ECPAS: variants seen among roughly 807,000 people sequenced by gnomAD.
ECPAS encodes the protein Ecm29 proteasome adaptor and scaffold.
In ECPAS, 70 loss-of-function variants were observed where a neutral mutation model predicts 255.1. The ratio of observed to expected loss-of-function variants is 0.27; its 90% CI spans 0.23 to 0.33. The LOEUF (loss-of-function observed/expected upper bound fraction) is 0.33, where lower values mean the gene tolerates loss of function less well. ECPAS is among the 10% of genes least tolerant of loss of function. The pLI, the probability that ECPAS is intolerant of heterozygous loss-of-function variation, is 1.00. For missense variants in ECPAS, 1,817 were observed against 2,206.4 expected, an observed-to-expected ratio of 0.82 and a Z score of 3.54; for synonymous variants, 784 against 775.0, an observed-to-expected ratio of 1.01 and a Z score of -0.19.
chr9:111,438,945 G>C (rs543930408), intron 6 of ECPAS, among the ~76,000 whole-genome samples: 1 of 152,306 alleles, frequency 6.6e-6, no homozygotes, highest in South Asian at 2.1e-4. Context: ...TTGTGATCAG[G>C]AAAGAAAGAA....
chr9:111,408,072 G>A (rs1052636931), intron 24 of ECPAS, among the ~76,000 whole-genome samples: 1 of 152,188 alleles, frequency 6.6e-6, no homozygotes, highest in South Asian at 2.1e-4. Context: ...CTGGTATACA[G>A]AAAGTGAGTG....
At chr9:111,481,222 C>A (rs947405018) in intron 1 of ECPAS, among the ~76,000 whole-genome samples, 4 of 152,134 alleles carry the variant, frequency 2.6e-5, no homozygotes, top group African/African-American at 9.7e-5. Context: ...GGGGGCCGGG[C>A]GCGGTGGCTC....
intron 1 of ECPAS, 171 bp downstream of exon 1, chr9:111,483,945 G>C (rs1294502116): frequency 2.2e-6 from 2 of 928,576 alleles, no homozygotes; most frequent in Non-Finnish European, 2.6e-6. Flanking sequence ...CCCCTCGCGC[G>C]CCCGCCCGCC....
At chr9:111,483,929 G>T in intron 1 of ECPAS, 187 bp downstream of exon 1, 3 of 802,044 alleles carry the variant, frequency 3.7e-6, no homozygotes, top group Non-Finnish European at 4.5e-6. Flanking sequence ...CGGCCCCCCC[G>T]CCGGGCCCCT....
intron 2 of ECPAS, among the ~76,000 whole-genome samples, chr9:111,456,653 T>C (rs924948808): frequency 1.3e-5 from 2 of 152,222 alleles, no homozygotes; most frequent in Admixed American, 6.5e-5. Flanking sequence ...TAACTCCATA[T>C]GTGACCAGCT....
chr9:111,361,199 G>A lies in ECPAS; in HGVS notation c.*831C>T, dbSNP rs969255259. ...ACGGCAGTCTGCGATTTTGTTTCTG[G>A]TTTTGCAAAATATGCAGCCACAGAC... On this transcript the variant is annotated 3_prime_UTR_variant, in exon 50 of 50. Coordinates refer to ENST00000684092, the MANE Select transcript of ECPAS (RefSeq NM_001364929.1). 5.3e-5 allele frequency: 8 copies of A among 152,158 alleles called. No homozygotes were observed. Among genetic ancestry groups the A allele is most frequent in the Non-Finnish European group, 1.2e-4 (8 of 68,030 alleles). 9.4% of individuals were successfully genotyped at this position (152,158 alleles called of 1,614,324 possible).
intron 20 of ECPAS, among the ~76,000 whole-genome samples, chr9:111,413,108 C>T (rs142957908): frequency 7.2e-5 from 11 of 152,330 alleles, no homozygotes; most frequent in East Asian, 1.9e-4. Flanking sequence ...GTACCACACA[C>T]GGAGGGTGTG....
intron 24 of ECPAS, among the ~76,000 whole-genome samples, chr9:111,405,737 C>T (rs1164807771): frequency 6.7e-6 from 1 of 149,666 alleles, no homozygotes; most frequent in Non-Finnish European, 1.5e-5. Flanking sequence ...GATCTGAATA[C>T]AGTTATTTCT....
Position 111,373,313 on chromosome 9 carries a change from A to T in ECPAS, c.4269+2T>A. The T allele has an allele frequency of 6.2e-7, 1 of 1,613,424 alleles. No homozygotes were observed. Among genetic ancestry groups the T allele is most frequent in the Non-Finnish European group, 8.5e-7 (1 of 1,179,402 alleles). ...TTTAACTAAGCAAGAAATTTAACTC[A>T]CCCGAACTAAATGGCCCATAGCAAA... On this transcript the variant is annotated splice_donor_variant, in intron 40 of 49. Transcript: ENST00000684092. LOFTEE classifies it high-confidence loss of function.
intron 2 of ECPAS, among the ~76,000 whole-genome samples, chr9:111,464,107 A>G (rs1410263787): frequency 6.6e-6 from 1 of 152,094 alleles, no homozygotes; most frequent in Non-Finnish European, 1.5e-5. Context: ...TAATGCTCAG[A>G]CAACACTTTA....
chr9:111,483,857 G>A, intron 1 of ECPAS: 2 of 400,960 alleles, frequency 5.0e-6, no homozygotes, highest in Non-Finnish European at 6.7e-6. Context: ...CTGCGACTCC[G>A]CGCCGCGCTC....
intron 46 of ECPAS, among the ~76,000 whole-genome samples, chr9:111,368,201 G>T (rs1476878844): frequency 6.6e-6 from 1 of 152,140 alleles, no homozygotes; most frequent in African/African-American, 2.4e-5. Flanking sequence ...CCTGTCAGGG[G>T]ACTCCAAACT....
At chr9:111,413,791 A>G (rs2098198681) in intron 20 of ECPAS, 104 bp downstream of exon 20, 1 of 602,286 alleles carries the variant, frequency 1.7e-6, no homozygotes, top group East Asian at 3.0e-5. Flanking sequence ...AAAACGACCT[A>G]AAGGCAGAAA....
chr9:111,453,851 C>CT (rs1484897822), intron 2 of ECPAS, among the ~76,000 whole-genome samples: 1 of 151,908 alleles, frequency 6.6e-6, no homozygotes, highest in Non-Finnish European at 1.5e-5. Flanking sequence ...TAAGAAAAGA[C>CT]TAAAAAACTG....
At chr9:111,385,223 C>T (rs1364439080) in intron 33 of ECPAS, 114 bp downstream of exon 33, 8 of 617,360 alleles carry the variant, frequency 1.3e-5, no homozygotes, top group South Asian at 2.3e-5. Context: ...TGGGGGAAAA[C>T]GTTGGTCTCT....
intron 24 of ECPAS, among the ~76,000 whole-genome samples, chr9:111,407,931 C>G (rs2098187688): frequency 6.6e-6 from 1 of 152,194 alleles, no homozygotes; most frequent in Non-Finnish European, 1.5e-5. Context: ...GAACAAGAGA[C>G]ATGATGGCAC....
chr9:111,423,172 T>G, intron 13 of ECPAS, 27 bp downstream of exon 13: 1 of 1,501,874 alleles, frequency 6.7e-7, no homozygotes. Context: ...CAACACCATA[T>G]CTCTCACTAA....
intron 8 of ECPAS, among the ~76,000 whole-genome samples, chr9:111,432,550 G>T (rs2098231644): frequency 6.6e-6 from 1 of 152,232 alleles, no homozygotes; most frequent in South Asian, 2.1e-4. Flanking sequence ...GTAGGTGGAG[G>T]TTGCAGTGAG....
intron 24 of ECPAS, among the ~76,000 whole-genome samples, chr9:111,397,839 G>T (rs1462298555): frequency 6.6e-6 from 1 of 152,182 alleles, no homozygotes; most frequent in East Asian, 1.9e-4. Context: ...AGGGCACACA[G>T]GAGTTCTTTA....
Sources: allele counts gnomAD v4.1 joint callset (sites outside exome capture counted in the v4.1 genomes callset), GRCh38; gene constraint gnomAD v4.1.1; transcripts MANE v1.5; gene names NCBI Gene and HGNC (gene_info 2026-07-23, HGNC 2026-07-21).